Variants in CRTAM observed in about 807,000 individuals in gnomAD.
The protein encoded by CRTAM is cytotoxic and regulatory T-cell molecule.
Under a neutral mutation model 50.0 loss-of-function variants are expected in CRTAM, and 44 were observed. That is an observed-to-expected ratio of 0.88 (90% confidence interval 0.69 to 1.13). CRTAM has a LOEUF of 1.13. Ranked by LOEUF, CRTAM falls within the 50% of genes most tolerant of loss-of-function variation. The probability of loss-of-function intolerance (pLI) is 0.00; values close to 1 mark genes in which losing one functional copy is unlikely to be tolerated. For synonymous variants in CRTAM, 159 were observed against 169.3 expected, an observed-to-expected ratio of 0.94 and a Z score of 0.47; for missense variants, 448 against 457.5, an observed-to-expected ratio of 0.98 and a Z score of 0.19.
At chr11:122,855,304 A>G (rs1861991415) in intron 4 of CRTAM, among the ~76,000 whole-genome samples, 1 of 152,204 alleles carries the variant, frequency 6.6e-6, no homozygotes, top group Non-Finnish European at 1.5e-5. Context: ...TGAGGGCCAA[A>G]TGGAGTTCTA....
chr11:122,863,018 A>G (rs1478193967), intron 6 of CRTAM, among the ~76,000 whole-genome samples: 2 of 152,214 alleles, frequency 1.3e-5, no homozygotes, highest in Non-Finnish European at 2.9e-5. Flanking sequence ...AGGCACATCA[A>G]TTACTTGATT....
In CRTAM at chr11:122,851,714, A is replaced by T; in HGVS notation, c.215A>T (p.Gln72Leu). 6.2e-7 allele frequency: 1 copy of T among 1,614,108 alleles called. No individual in the cohort carries two copies. The highest frequency in any genetic ancestry group is 8.5e-7 in the Non-Finnish European group (1 of 1,179,994). ...ACAGCTTTAAAAAATTCCAAATACC[A>T]GCTTCTTCATCACTCGGCCAATCAG... is the stretch of plus-strand genomic sequence containing the variant. ...EYPALKNSKY[Q>L]LLHHSANQLS... The change falls in exon 3 of 10, where the codon CAG (glutamine) becomes CTG (leucine). Residue 72 changes from glutamine to leucine, a missense_variant. Physicochemically the swap from Gln to Leu is moderately radical, Grantham distance 113. Coordinates refer to ENST00000227348, the MANE Select transcript of CRTAM (RefSeq NM_019604.4).
At chr11:122,862,231 A>C (rs2135248559) in intron 5 of CRTAM, 1 of 545,572 alleles carries the variant, frequency 1.8e-6, no homozygotes, top group East Asian at 2.9e-5. Context: ...CACTGCCACC[A>C]CACAGAGGTC....
chr11:122,848,533 G>T (rs771718842), intron 1 of CRTAM, among the ~76,000 whole-genome samples: 13 of 152,126 alleles, frequency 8.5e-5, no homozygotes, highest in Non-Finnish European at 1.8e-4. Flanking sequence ...ACAGTTTCCC[G>T]TGAAAGCTTA....
intron 7 of CRTAM, 47 bp from the exon 8 acceptor site, chr11:122,867,362 A>C (rs1862190534): frequency 6.4e-7 from 1 of 1,563,090 alleles, no homozygotes; most frequent in African/African-American, 1.4e-5. Context: ...GGCAAAAAAA[A>C]AAAAAAAACC....
chr11:122,868,190 G>GTGTGTGTGTGTA, intron 9 of CRTAM, 91 bp downstream of exon 9: 1 of 123,514 alleles, frequency 8.1e-6, no homozygotes, highest in Non-Finnish European at 1.3e-5. Flanking sequence ...AACAGAATAT[G>GTGTGTGTGTGTA]TGTGTGTGTG....
intron 1 of CRTAM, among the ~76,000 whole-genome samples, chr11:122,841,068 A>G (rs1487831554): frequency 6.6e-6 from 1 of 152,190 alleles, no homozygotes; most frequent in Non-Finnish European, 1.5e-5. Flanking sequence ...TGCCCAGGAA[A>G]AAGTCACATG....
intron 6 of CRTAM, 143 bp downstream of exon 6, chr11:122,862,687 T>C (rs1862102834): frequency 3.3e-6 from 2 of 608,076 alleles, no homozygotes; most frequent in African/African-American, 3.7e-5. Flanking sequence ...GCTCCAGCTT[T>C]GTACCATCCT....
intron 9 of CRTAM, 59 bp downstream of exon 9, chr11:122,868,158 A>T (rs1341955535): frequency 9.5e-7 from 1 of 1,055,828 alleles, no homozygotes; most frequent in Non-Finnish European, 1.5e-6. Flanking sequence ...TATTAGTCAG[A>T]TTTCTCCAGA....
chr11:122,854,021 C>G lies in CRTAM; in HGVS notation c.425C>G (p.Ser142Cys), dbSNP rs777353878. The stretch of plus-strand genomic sequence containing the variant: ...GAAGAACATGTTGTACTCATGTGCT[C>G]CACCATGAGAAGCAAGCCCCCTCCG... Reference protein sequence around the residue: ...NGEEHVVLMCSTMRSKPPPQI... With the variant: ...NGEEHVVLMCCTMRSKPPPQI... The change falls in exon 4 of 10, where the codon TCC becomes TGC. Residue 142 changes from serine to cysteine, a missense_variant. Ser to Cys is a moderately radical substitution (Grantham distance 112). Transcript: ENST00000227348. 35 of 1,613,902 alleles carry G rather than the reference C, an allele frequency of 2.2e-5. No homozygotes were observed. Among genetic ancestry groups the G allele is most frequent in the Non-Finnish European group, 2.9e-5 (34 of 1,179,814 alleles).
Position 122,841,051 on chromosome 11 carries a change from C to T in CRTAM, c.46+2459C>T, listed in dbSNP as rs547648526. On this transcript the variant is annotated intron_variant, in intron 1 of 9. Transcript: ENST00000227348. ...TGCAAATTGAGTAGTTCTTTTCATA[C>T]TTTCTTTGCCCAGGAAAAAGTCACA... 5.6e-4 allele frequency among the ~76,000 whole-genome samples: 86 copies of T among 152,256 alleles called. 1 individual carries two copies. Among genetic ancestry groups the T allele is most frequent in the Non-Finnish European group, 9.7e-4 (66 of 67,992 alleles).
At chr11:122,866,533 T>C (rs966994495) in intron 7 of CRTAM, among the ~76,000 whole-genome samples, 2 of 152,054 alleles carry the variant, frequency 1.3e-5, no homozygotes, top group African/African-American at 4.8e-5. Context: ...TAATTATTCA[T>C]TGGTTAAGAT....
intron 5 of CRTAM, among the ~76,000 whole-genome samples, chr11:122,859,856 A>G (rs1862050560): frequency 6.6e-6 from 1 of 152,208 alleles, no homozygotes; most frequent in Non-Finnish European, 1.5e-5. Context: ...TGTTTTAGTC[A>G]TTTGGAAAAT....
At chr11:122,867,591 C>A in intron 8 of CRTAM, 36 bp downstream of exon 8, 2 of 1,590,178 alleles carry the variant, frequency 1.3e-6, no homozygotes, top group Non-Finnish European at 1.7e-6. Flanking sequence ...GGCTATAAGA[C>A]GCCAGAACAA....
chr11:122,856,759 C>T (rs567257981), intron 5 of CRTAM, among the ~76,000 whole-genome samples: 10 of 152,342 alleles, frequency 6.6e-5, no homozygotes, highest in African/African-American at 1.9e-4. Context: ...GCTGTGGCTG[C>T]GGTTAACAGG....
intron 8 of CRTAM, 91 bp downstream of exon 8, chr11:122,867,646 A>G: frequency 7.9e-7 from 1 of 1,273,860 alleles, no homozygotes; most frequent in South Asian, 1.4e-5. Flanking sequence ...GCTTTCTGTC[A>G]GACACTACAT....
At position 122,845,600 on chromosome 11, in the gene CRTAM, G is replaced by A. The variant is rs557499810; in HGVS notation, c.47-4468G>A. ...TGGGTGCCTGTAATCTCAGGTACTC[G>A]GGAGGCTGAGGTAGGAGAATTGCTT... is the stretch of plus-strand genomic sequence containing the variant. On this transcript the variant is annotated intron_variant, in intron 1 of 9. Transcript: ENST00000227348. Among the ~76,000 whole-genome samples, 75 of 152,126 alleles carry A rather than the reference G, an allele frequency of 4.9e-4. 1 individual carries two copies. The highest frequency in any genetic ancestry group is 1.8e-3 in the African/African-American group (74 of 41,488).
chr11:122,853,822 A>G (rs35301341), intron 3 of CRTAM, 121 bp from the exon 4 acceptor site: 1 of 891,158 alleles, frequency 1.1e-6, no homozygotes, highest in Non-Finnish European at 1.6e-6. Context: ...TAAAAAAAAA[A>G]AGAAAGCCCA....
At position 122,851,848 on chromosome 11, in the gene CRTAM, A is replaced by G. The variant is rs758958084; in HGVS notation, c.346+3A>G. ...GGAAGTGAAAGTGATTGTGCTGGGTAGGTACCTGCAAGTGAACCCAGTAGG... is the reference window on the plus strand; with the variant it reads ...GGAAGTGAAAGTGATTGTGCTGGGTGGGTACCTGCAAGTGAACCCAGTAGG... On this transcript the variant is annotated splice_donor_region_variant and intron_variant, in intron 3 of 9. Transcript: ENST00000227348. The G allele has an allele frequency of 4.3e-6, 7 of 1,612,792 alleles. No homozygotes were observed. The highest frequency in any genetic ancestry group is 5.9e-6 in the Non-Finnish European group (7 of 1,178,960).
Sources: allele counts gnomAD v4.1 joint callset (sites outside exome capture counted in the v4.1 genomes callset), GRCh38; gene constraint gnomAD v4.1.1; transcripts MANE v1.5; gene names NCBI Gene and HGNC (gene_info 2026-07-23, HGNC 2026-07-21).